Variants in GPC5 observed in about 807,000 individuals in gnomAD.
The protein encoded by GPC5 is glypican 5.
In GPC5, 47 loss-of-function variants were observed where a neutral mutation model predicts 53.9. That is an observed-to-expected ratio of 0.87 (90% confidence interval 0.69 to 1.11). GPC5 has a LOEUF of 1.11. GPC5 is among the 50% of genes most tolerant of loss of function. The pLI is 0.00. For synonymous variants in GPC5, 286 were observed against 263.3 expected (o/e 1.09, Z -0.84); for missense variants, 748 against 713.1 (o/e 1.05, Z -0.56).
chr13:92,050,896 A>T (rs2041022321), intron 6 of GPC5, among the ~76,000 whole-genome samples: 1 of 152,212 alleles, frequency 6.6e-6, no homozygotes, highest in Non-Finnish European at 1.5e-5. Flanking sequence ...GAGTATAGCA[A>T]TGCTTAATTG....
rs1286552208 is a variant in GPC5 at position 92,527,162 on chromosome 13, A to AAG, written c.1562-339118_1562-339117dup. Reference sequence around the variant, plus strand: ...AAAGAAAGAAAGAAAGAAAGAAAGAAAGAAAGAAAGAGAAAGAAAGAAGAA... The same window carrying AAG: ...AAAGAAAGAAAGAAAGAAAGAAAGAAAGAGAAAGAAAGAGAAAGAAAGAAGAA... On this transcript the variant is annotated intron_variant, in intron 7 of 7. Transcript: ENST00000377067. Among the ~76,000 whole-genome samples, 110 of 121,448 alleles carry AAG rather than the reference A, an allele frequency of 9.1e-4. 3 individuals are homozygous for AAG. The highest frequency in any genetic ancestry group is 2.5e-3 in the African/African-American group (79 of 31,556). The allele number at this position is 121,448 out of a possible 152,430, so 79.7% of individuals were successfully genotyped here.
At chr13:91,892,507 A>G (rs1019585518) in intron 5 of GPC5, among the ~76,000 whole-genome samples, 1 of 151,698 alleles carries the variant, frequency 6.6e-6, no homozygotes, top group African/African-American at 2.4e-5. Context: ...GATACACTTT[A>G]TATACAAAAT....
intron 7 of GPC5, among the ~76,000 whole-genome samples, chr13:92,235,371 T>A (rs1258053383): frequency 1.3e-5 from 2 of 152,152 alleles, no homozygotes; most frequent in Non-Finnish European, 2.9e-5. Context: ...TTGTCACCCG[T>A]AATTTTCAAT....
At chr13:91,918,214 T>C (rs1688824091) in intron 6 of GPC5, among the ~76,000 whole-genome samples, 1 of 152,132 alleles carries the variant, frequency 6.6e-6, no homozygotes, top group Admixed American at 6.5e-5. Flanking sequence ...TCACTCACTA[T>C]CACAAGAACA....
At chr13:91,911,307 G>T (rs2039607937) in intron 6 of GPC5, among the ~76,000 whole-genome samples, 1 of 152,066 alleles carries the variant, frequency 6.6e-6, no homozygotes, top group Non-Finnish European at 1.5e-5. Context: ...ACTTTGGGAG[G>T]CCGAGGAGGG....
At chr13:92,030,018 G>A (rs2040828737) in intron 6 of GPC5, among the ~76,000 whole-genome samples, 1 of 152,128 alleles carries the variant, frequency 6.6e-6, no homozygotes, top group African/African-American at 2.4e-5. Context: ...GAACAGAAAT[G>A]CACAATACCT....
chr13:92,464,693 C>T (rs1878622431), intron 7 of GPC5, among the ~76,000 whole-genome samples: 1 of 151,762 alleles, frequency 6.6e-6, no homozygotes, highest in Non-Finnish European at 1.5e-5. Flanking sequence ...ATATATTGAA[C>T]ATATTGTTAT....
intron 7 of GPC5, among the ~76,000 whole-genome samples, chr13:92,672,535 T>C (rs1886787122): frequency 6.6e-6 from 1 of 152,160 alleles, no homozygotes; most frequent in South Asian, 2.1e-4. Context: ...ATACTGGGTA[T>C]ATACTCAAAG....
chr13:92,166,954 TCTCACACACACACACA>T (rs1458500063), intron 7 of GPC5, among the ~76,000 whole-genome samples: 20 of 44,666 alleles, frequency 4.5e-4, no homozygotes, highest in African/African-American at 1.4e-3. Flanking sequence ...TCTCTCTCTC[TCTCACACACACACACA>T]CACACACACA....
At chr13:92,270,250 C>T (rs532130241) in intron 7 of GPC5, among the ~76,000 whole-genome samples, 141 of 152,096 alleles carry the variant, frequency 9.3e-4, no homozygotes, top group African/African-American at 3.3e-3. Context: ...GATCTGTGTC[C>T]CAGCCCAAAT....
At chr13:91,615,322 A>G (rs1357685826) in intron 2 of GPC5, among the ~76,000 whole-genome samples, 1 of 152,186 alleles carries the variant, frequency 6.6e-6, no homozygotes, top group African/African-American at 2.4e-5. Flanking sequence ...TACTAGTTAG[A>G]AGAAGGAGGG....
At chr13:91,768,503 G>A (rs924306989) in intron 5 of GPC5, among the ~76,000 whole-genome samples, 12 of 151,996 alleles carry the variant, frequency 7.9e-5, no homozygotes, top group African/African-American at 1.7e-4. Context: ...AAAATAATTC[G>A]CATGCATTAC....
At chr13:91,739,638 A>G (rs1483378903) in intron 4 of GPC5, among the ~76,000 whole-genome samples, 2 of 151,266 alleles carry the variant, frequency 1.3e-5, no homozygotes, top group Non-Finnish European at 2.9e-5. Flanking sequence ...TTGTTGTCAC[A>G]GTGACCTCTC....
intron 2 of GPC5, among the ~76,000 whole-genome samples, chr13:91,545,902 A>G (rs2030258605): frequency 6.6e-6 from 1 of 152,148 alleles, no homozygotes; most frequent in South Asian, 2.1e-4. Flanking sequence ...TATTATTTAG[A>G]TAATATACTT....
chr13:92,756,552 C>T (rs1011392185), intron 7 of GPC5, among the ~76,000 whole-genome samples: 1 of 151,782 alleles, frequency 6.6e-6, no homozygotes, highest in African/African-American at 2.4e-5. Context: ...TCCCTGTTTG[C>T]AGACGACATG....
At chr13:91,565,001 G>GGT (rs1555324959) in intron 2 of GPC5, among the ~76,000 whole-genome samples, 1 of 133,202 alleles carries the variant, frequency 7.5e-6, no homozygotes, top group Non-Finnish European at 1.6e-5. Context: ...TTTGGGGGGG[G>GGT]GTCGGTGGGA....
chr13:91,710,880 A>G (rs569101728), intron 3 of GPC5, among the ~76,000 whole-genome samples: 1 of 152,348 alleles, frequency 6.6e-6, no homozygotes, highest in Non-Finnish European at 1.5e-5. Context: ...GATCTTAATT[A>G]AGTTCAGGGA....
chr13:92,647,586 A>G (rs1885815816), intron 7 of GPC5, among the ~76,000 whole-genome samples: 1 of 152,140 alleles, frequency 6.6e-6, no homozygotes. Flanking sequence ...GAGATAATCA[A>G]ACCTCAAGCA....
intron 3 of GPC5, among the ~76,000 whole-genome samples, chr13:91,694,459 A>G (rs1594441735): frequency 6.6e-6 from 1 of 152,330 alleles, no homozygotes; most frequent in East Asian, 1.9e-4. Flanking sequence ...ATGGCGTGAT[A>G]ATTTTTAAAA....
Sources: allele counts gnomAD v4.1 joint callset (sites outside exome capture counted in the v4.1 genomes callset), GRCh38; gene constraint gnomAD v4.1.1; transcripts MANE v1.5; gene names NCBI Gene and HGNC (gene_info 2026-07-23, HGNC 2026-07-21).